The following MYLK4 variants were observed in gnomAD, a reference collection of about 807,000 sequenced individuals.
MYLK4 encodes myosin light chain kinase family member 4.
In MYLK4, 46 loss-of-function variants were observed where a neutral mutation model predicts 48.1. That is an observed-to-expected ratio of 0.96 (90% CI 0.75 to 1.22). The LOEUF (loss-of-function observed/expected upper bound fraction) is 1.22. Ranked by LOEUF, MYLK4 falls within the 50% of genes most tolerant of loss-of-function variation. The pLI is 0.00. For missense variants in MYLK4, 451 were observed against 486.1 expected, an observed-to-expected ratio of 0.93 and a Z score of 0.68; for synonymous variants, 170 against 180.8, an observed-to-expected ratio of 0.94 and a Z score of 0.48.
At chr6:2,719,081 C>T (rs9503281) in intron 2 of MYLK4, among the ~76,000 whole-genome samples, 27,370 of 152,028 alleles carry the variant, frequency 0.18, 2,532 homozygotes, top group Admixed American at 0.22. Context: ...TGAGGGAAAA[C>T]GGGGCGCTCA....
upstream of MYLK4, among the ~76,000 whole-genome samples, chr6:2,755,066 A>T (rs1418668450): frequency 6.6e-6 from 1 of 152,250 alleles, no homozygotes; most frequent in Non-Finnish European, 1.5e-5. Context: ...TAGACCACTA[A>T]AACTTCTAAG....
chr6:2,723,460 A>G (rs1184905501), intron 2 of MYLK4, among the ~76,000 whole-genome samples: 1 of 152,258 alleles, frequency 6.6e-6, no homozygotes, highest in Non-Finnish European at 1.5e-5. Flanking sequence ...GCATTCAAAT[A>G]TTGGGGAATA....
At chr6:2,738,226 T>C (rs958374175) in intron 2 of MYLK4, among the ~76,000 whole-genome samples, 31 of 152,118 alleles carry the variant, frequency 2.0e-4, no homozygotes, top group African/African-American at 6.3e-4. Context: ...CTAAACAGGA[T>C]AAATTTTGGA....
chr6:2,769,276 T>G, the MYLK4 span, among the ~76,000 whole-genome samples: 2 of 152,006 alleles, frequency 1.3e-5, no homozygotes, highest in Non-Finnish European at 2.9e-5. Context: ...AATTAAACAA[T>G]CGGTATTTTC....
At chr6:2,761,779 A>G in the MYLK4 span, among the ~76,000 whole-genome samples, 24 of 152,280 alleles carry the variant, frequency 1.6e-4, no homozygotes, top group South Asian at 5.0e-3. Context: ...AACTTCATCC[A>G]TGTATGTAGC....
At chr6:2,711,298 T>A (rs531209136) in intron 2 of MYLK4, among the ~76,000 whole-genome samples, 2 of 152,366 alleles carry the variant, frequency 1.3e-5, no homozygotes, top group Admixed American at 1.3e-4. Context: ...GGTATTACCA[T>A]CAACAACTAG....
At chr6:2,762,801 C>G in the MYLK4 span, among the ~76,000 whole-genome samples, 1 of 152,258 alleles carries the variant, frequency 6.6e-6, no homozygotes, top group South Asian at 2.1e-4. Context: ...GCAGACCTTC[C>G]CGGAGACCGT....
chr6:2,685,909 AT>A lies in MYLK4; in HGVS notation c.342-334del, dbSNP rs1252315333. ...AACCCCATCTCTGCTAAAAATACAA[AT>A]ACAAAAAATTAGCCAGATGTGATGG... On this transcript the variant is annotated intron_variant, in intron 4 of 12. Coordinates refer to ENST00000274643, the MANE Select transcript of MYLK4 (RefSeq NM_001012418.5). This position sits in a 1 kb window ranked among gnomAD's most constrained non-coding sequence, Gnocchi z 4.5. Among the ~76,000 whole-genome samples the A allele has an allele frequency of 1.3e-5, 2 of 152,088 alleles. No individual in the cohort carries two copies. The highest frequency in any genetic ancestry group is 4.8e-5 in the African/African-American group (2 of 41,392).
intron 6 of MYLK4, among the ~76,000 whole-genome samples, chr6:2,683,389 TTTTGTGTG>T (rs1761396425): frequency 9.8e-6 from 1 of 102,030 alleles, no homozygotes; most frequent in African/African-American, 4.0e-5. Context: ...CTCCCCACCT[TTTTGTGTG>T]TGTGTGTGTG....
intron 2 of MYLK4, among the ~76,000 whole-genome samples, chr6:2,729,230 C>T (rs994651606): frequency 2.6e-5 from 4 of 152,200 alleles, no homozygotes; most frequent in African/African-American, 9.6e-5. Flanking sequence ...TTCAAAGACT[C>T]CATTCTATTG....
chr6:2,680,441 C>T, intron 7 of MYLK4, 150 bp from the exon 8 acceptor site: 1 of 1,498,194 alleles, frequency 6.7e-7, no homozygotes, highest in Non-Finnish European at 8.8e-7. Context: ...GTACTTTCTC[C>T]TTTAATTATG....
At chr6:2,691,858 A>G (rs531046750) in intron 3 of MYLK4, among the ~76,000 whole-genome samples, 28 of 152,350 alleles carry the variant, frequency 1.8e-4, no homozygotes, top group African/African-American at 5.8e-4. Context: ...ATAAGCTGGA[A>G]AACCAAGTTA....
At chr6:2,697,888 C>T (rs1021011225) in intron 2 of MYLK4, among the ~76,000 whole-genome samples, 3 of 152,188 alleles carry the variant, frequency 2.0e-5, no homozygotes, top group South Asian at 2.1e-4. Context: ...TGAAGCAATG[C>T]GTGATGAAGA....
At chr6:2,684,606 CA>C (rs1352594408) in intron 6 of MYLK4, among the ~76,000 whole-genome samples, 3 of 151,952 alleles carry the variant, frequency 2.0e-5, no homozygotes, top group African/African-American at 7.3e-5. Context: ...GACCAAAAAA[CA>C]ATAAAAATTG....
chr6:2,708,309 A>G (rs1762563880), intron 2 of MYLK4, among the ~76,000 whole-genome samples: 1 of 152,168 alleles, frequency 6.6e-6, no homozygotes. Flanking sequence ...GCCTTTGAGC[A>G]TTACATTTTG....
At chr6:2,693,373 T>C (rs1256830265) in intron 2 of MYLK4, among the ~76,000 whole-genome samples, 1 of 152,158 alleles carries the variant, frequency 6.6e-6, no homozygotes, top group Admixed American at 6.5e-5. Context: ...CAAATAGAAA[T>C]GAGAGGATAC....
At position 2,748,780 on chromosome 6, in the gene MYLK4, GA is replaced by G. The variant is rs1764186445; in HGVS notation, c.159+355del. Among the ~76,000 whole-genome samples the G allele has an allele frequency of 5.9e-5, 9 of 152,250 alleles. No homozygotes were observed. The South Asian group carries it at 1.9e-3, about 32-fold the overall frequency. On this transcript the variant is annotated intron_variant, in intron 2 of 12. Transcript: ENST00000274643. ...CGCGTGAGGAACTCAAGATCTGAAG[GA>G]AAAAGGAGAAACTTCTTTCTGCAGA...
chr6:2,764,536 T>C, the MYLK4 span, among the ~76,000 whole-genome samples: 2 of 150,438 alleles, frequency 1.3e-5, no homozygotes, highest in Admixed American at 6.7e-5. Flanking sequence ...TTGAGATACA[T>C]GTTTTAAAAC....
At position 2,685,198 on chromosome 6, in the gene MYLK4, G is replaced by C. The variant is rs1761480862; in HGVS notation, c.545+98C>G. 1.3e-5 allele frequency: 11 copies of C among 832,482 alleles called. No individual in the cohort carries two copies. Among genetic ancestry groups the C allele is most frequent in the Non-Finnish European group, 2.3e-5 (11 of 484,380 alleles). 51.6% of individuals were successfully genotyped at this position (832,482 alleles called of 1,614,324 possible). A position where few individuals can be genotyped will look rare whatever the true frequency, so the allele number is the denominator to read the frequency against. ...AATCAGAGTCTGCGGGGGCGAGCTT[G>C]GTTCTGGTCCCGCTACAGCAGGACG... On this transcript the variant is annotated intron_variant, in intron 6 of 12. Coordinates refer to ENST00000274643, the MANE Select transcript of MYLK4 (RefSeq NM_001012418.5). The surrounding 1 kb of genome is among the most constrained non-coding windows in gnomAD (Gnocchi z 4.5).
Sources: allele counts gnomAD v4.1 joint callset (sites outside exome capture counted in the v4.1 genomes callset), GRCh38; gene constraint gnomAD v4.1.1; non-coding constraint Gnocchi (gnomAD v3.1); transcripts MANE v1.5; gene names NCBI Gene and HGNC (gene_info 2026-07-23, HGNC 2026-07-21).